NBAS: variants seen among roughly 807,000 people sequenced by gnomAD.
NBAS encodes NBAS subunit of NRZ tethering complex.
Under a neutral mutation model 302.5 loss-of-function variants are expected in NBAS, and 219 were observed. That is an observed-to-expected ratio of 0.72 (90% CI 0.65 to 0.81). The LOEUF is 0.81. Among genes scored for constraint, NBAS ranks in the 30% least tolerant of loss-of-function variants. The pLI is 0.00. For missense variants in NBAS, 2,932 were observed against 2,841.6 expected (o/e 1.03, Z -0.72); for synonymous variants, 1,118 against 1,021.6 (o/e 1.09, Z -1.80).
chr2:15,358,751 C>A (rs185526848), intron 32 of NBAS, among the ~76,000 whole-genome samples: 12 of 152,220 alleles, frequency 7.9e-5, no homozygotes, highest in African/African-American at 2.9e-4. Flanking sequence ...GGCTTGTGTT[C>A]ATTTTTATTA....
chr2:15,088,779 G>C, the NBAS span, among the ~76,000 whole-genome samples: 1 of 152,262 alleles, frequency 6.6e-6, no homozygotes. Context: ...GGACCATGCA[G>C]TAAAACCAAG....
intron 44 of NBAS, among the ~76,000 whole-genome samples, chr2:15,256,733 T>C (rs1668618493): frequency 6.6e-6 from 1 of 152,234 alleles, no homozygotes; most frequent in African/African-American, 2.4e-5. Context: ...ATGTCCCTTA[T>C]ATGCCAATTT....
chr2:15,289,063 A>T (rs1294742903), intron 41 of NBAS, among the ~76,000 whole-genome samples: 1 of 152,150 alleles, frequency 6.6e-6, no homozygotes, highest in Non-Finnish European at 1.5e-5. Context: ...GTCAATTAGC[A>T]ATTCTTATTT....
intron 36 of NBAS, among the ~76,000 whole-genome samples, chr2:15,328,998 C>A (rs180973190): frequency 2.3e-4 from 35 of 152,280 alleles, no homozygotes; most frequent in Admixed American, 2.1e-3. Flanking sequence ...CTTTCATGAT[C>A]CCCATCTCTT....
chr2:15,309,086 A>G lies in NBAS; in HGVS notation c.4659+85T>C, dbSNP rs572821733. 2.9e-5 allele frequency: 28 copies of G among 967,420 alleles called. No homozygotes were observed. The African/African-American group carries it at 4.4e-4, about 15-fold the overall frequency. 59.9% of individuals were successfully genotyped at this position (967,420 alleles called of 1,614,324 possible). ...AAAGAAACAGGAGGAAATGGCATGC[A>G]ATAAACAATTTTACCGATGAAAATT... is the stretch of plus-strand genomic sequence containing the variant. On this transcript the variant is annotated intron_variant, in intron 39 of 51. Transcript: ENST00000281513.
At chr2:15,223,566 T>C (rs966135625) in intron 47 of NBAS, among the ~76,000 whole-genome samples, 1 of 152,114 alleles carries the variant, frequency 6.6e-6, no homozygotes, top group Non-Finnish European at 1.5e-5. Context: ...CAAATGATTT[T>C]TAAAAGTCAT....
chr2:15,010,415 G>T, the NBAS span, among the ~76,000 whole-genome samples: 1 of 152,170 alleles, frequency 6.6e-6, no homozygotes, highest in Admixed American at 6.5e-5. Flanking sequence ...ACACATCAAT[G>T]AAAGAAAGAG....
At chr2:15,519,483 C>CTCG (rs1662557748) in intron 9 of NBAS, among the ~76,000 whole-genome samples, 1 of 86,362 alleles carries the variant, frequency 1.2e-5, no homozygotes, top group Non-Finnish European at 2.8e-5. Context: ...GTCACCCAAG[C>CTCG]TGGAGTGCAA....
chr2:15,194,665 T>A (rs190976806), intron 48 of NBAS, among the ~76,000 whole-genome samples: 1 of 152,274 alleles, frequency 6.6e-6, no homozygotes, highest in Admixed American at 6.5e-5. Flanking sequence ...CTTTTCCACA[T>A]ACATGTTCTA....
chr2:15,436,928 G>A (rs1057508781), intron 21 of NBAS, among the ~76,000 whole-genome samples: 1 of 152,156 alleles, frequency 6.6e-6, no homozygotes, highest in African/African-American at 2.4e-5. Context: ...AGGATGGACA[G>A]ACTGAAGGAA....
At chr2:15,518,124 TA>T (rs1376730286) in intron 9 of NBAS, among the ~76,000 whole-genome samples, 12 of 94,728 alleles carry the variant, frequency 1.3e-4, no homozygotes, top group African/African-American at 4.7e-4. Context: ...TAATGAAGTC[TA>T]GGGGAAAAAA....
At chr2:14,868,671 C>T in the NBAS span, among the ~76,000 whole-genome samples, 3 of 152,216 alleles carry the variant, frequency 2.0e-5, no homozygotes, top group African/African-American at 4.8e-5. Context: ...CCTCTCCTTA[C>T]TGAGTTTAGT....
In NBAS at chr2:15,415,690, G is replaced by C. The variant is rs1223510454; in HGVS notation, c.2793C>G (p.Ala931=). 6.2e-7 allele frequency: 1 copy of C among 1,614,186 alleles called. No homozygotes were observed. ...SCSEDKYVTS[A]YQWMVPFLHR... ...GAAGAAAGGGAACCATCCACTGGTA[G>C]GCACTTGTCACATATTTATCCTCAG... Residue 931 remains alanine (A), a synonymous_variant, in exon 25 of 52, where the codon GCC becomes GCG. Transcript: ENST00000281513.
chr2:15,558,600 A>T lies in NBAS; in HGVS notation c.152T>A (p.Ile51Asn). ...TTTACCTCGAATTGCTTTCGTGATGATAAAGGATGCACCATGTTTTTGGTT... is the reference window on the plus strand; with the variant it reads ...TTTACCTCGAATTGCTTTCGTGATGTTAAAGGATGCACCATGTTTTTGGTT... ...RGNQKHGASF[I>N]ITKAIRDRLL... Residue 51 changes from isoleucine (I) to asparagine (N), a missense_variant, in exon 2 of 52, where the codon ATC becomes AAC. Ile to Asn is a moderately radical substitution (Grantham distance 149, BLOSUM62 -3). Coordinates refer to ENST00000281513, the MANE Select transcript of NBAS (RefSeq NM_015909.4). 1 of 1,613,108 alleles carries T rather than the reference A, an allele frequency of 6.2e-7. No homozygotes were observed. The highest frequency in any genetic ancestry group is 2.2e-5 in the East Asian group (1 of 44,844).
At chr2:15,452,457 G>A (rs553154419) in intron 21 of NBAS, among the ~76,000 whole-genome samples, 3 of 151,860 alleles carry the variant, frequency 2.0e-5, no homozygotes, top group South Asian at 2.1e-4. Flanking sequence ...GCGTGGTGGC[G>A]GGTGCCTGTA....
chr2:15,280,890 G>A (rs1249739569), intron 42 of NBAS, among the ~76,000 whole-genome samples: 1 of 152,174 alleles, frequency 6.6e-6, no homozygotes, highest in Non-Finnish European at 1.5e-5. Flanking sequence ...AAATGCCTCA[G>A]GATGACCTTG....
intron 13 of NBAS, among the ~76,000 whole-genome samples, chr2:15,477,268 A>T (rs978055831): frequency 6.7e-5 from 10 of 148,998 alleles, no homozygotes; most frequent in African/African-American, 1.7e-4. Context: ...AACTAAAAGC[A>T]TTTTTTTTTT....
intron 48 of NBAS, among the ~76,000 whole-genome samples, chr2:15,191,862 C>A (rs1006146496): frequency 2.6e-5 from 4 of 152,198 alleles, no homozygotes; most frequent in African/African-American, 9.7e-5. Context: ...ACCTCACCAC[C>A]TTCAACCTGT....
chr2:15,539,699 T>C (rs1038144725), intron 6 of NBAS, among the ~76,000 whole-genome samples: 8 of 152,152 alleles, frequency 5.3e-5, no homozygotes, highest in African/African-American at 1.2e-4. Context: ...GCATACAGAA[T>C]GGGTAGACAA....
Sources: allele counts gnomAD v4.1 joint callset (sites outside exome capture counted in the v4.1 genomes callset), GRCh38; gene constraint gnomAD v4.1.1; transcripts MANE v1.5; gene names NCBI Gene and HGNC (gene_info 2026-07-23, HGNC 2026-07-21).